Variants in HERC1 observed in about 807,000 individuals in gnomAD.
HERC1 encodes the protein HECT and RLD domain containing E3 ubiquitin protein ligase family member 1.
HERC1 carries 160 observed loss-of-function variants against 554.3 expected under a neutral mutation model. The observed-to-expected ratio is 0.29, with a 90% CI of 0.25 to 0.33. The LOEUF (loss-of-function observed/expected upper bound fraction) is 0.33, where lower values mean the gene tolerates loss of function less well. Among genes scored for constraint, HERC1 ranks in the 10% least tolerant of loss-of-function variants. The probability of loss-of-function intolerance (pLI) is 1.00; values close to 1 mark genes in which losing one functional copy is unlikely to be tolerated. For synonymous variants in HERC1, 2,175 were observed against 2,131.7 expected (o/e 1.02, Z -0.56); for missense variants, 4,919 against 5,918.5 (o/e 0.83, Z 5.54).
At chr15:63,665,305 G>A (rs1447287890) in intron 42 of HERC1, among the ~76,000 whole-genome samples, 1 of 152,192 alleles carries the variant, frequency 6.6e-6, no homozygotes, top group African/African-American at 2.4e-5. Context: ...AGACCAAGGT[G>A]GGTGGATCAC....
intron 1 of HERC1, among the ~76,000 whole-genome samples, chr15:63,827,863 G>A (rs187414271): frequency 6.6e-6 from 1 of 152,260 alleles, no homozygotes; most frequent in East Asian, 1.9e-4. Flanking sequence ...ACAAAATTAT[G>A]CTAAGTGAAA....
intron 18 of HERC1, 55 bp downstream of exon 18, chr15:63,725,237 T>C: frequency 6.8e-7 from 1 of 1,464,816 alleles, no homozygotes; most frequent in Non-Finnish European, 9.4e-7. Context: ...TAGAGAAATC[T>C]CCAACTGAGG....
chr15:63,776,704 A>G lies in HERC1; in HGVS notation c.-26-1055T>C, dbSNP rs564319098. ...TAGTGGGCTGGGCATGGTGGCTCACACCCATAATCCTAACATTCAGGGACG... is the reference window on the plus strand; with the variant it reads ...TAGTGGGCTGGGCATGGTGGCTCACGCCCATAATCCTAACATTCAGGGACG... On this transcript the variant is annotated intron_variant, in intron 1 of 77. Coordinates refer to ENST00000443617, the MANE Select transcript of HERC1 (RefSeq NM_003922.4). Among the ~76,000 whole-genome samples, 3 of 152,270 alleles carry G rather than the reference A, an allele frequency of 2.0e-5. No homozygotes were observed. The East Asian group carries it at 5.8e-4, about 29-fold the overall frequency.
chr15:63,672,756 G>A (rs941277426), intron 38 of HERC1, 62 bp from the exon 39 acceptor site: 18 of 1,146,564 alleles, frequency 1.6e-5, no homozygotes, highest in South Asian at 6.9e-5. Context: ...AATAACAGCG[G>A]GAATAAAAAA....
chr15:63,692,558 T>C lies in HERC1; in HGVS notation c.5683A>G (p.Arg1895Gly). ...TEKKDFRAAL[R>G]KQHAAELHLG... ...TGGAGTTCGGCTGCATGTTGTTTCC[T>C]AAGAGCAGCTACAGTGAAGAGACAA... is the stretch of plus-strand genomic sequence containing the variant. The change falls in exon 31 of 78, where the codon AGG becomes GGG. Residue 1895 changes from arginine (R) to glycine (G), a missense_variant. By Grantham distance (125) the Arg-to-Gly change is moderately radical. This residue lies in a region of HERC1 where 1,121 missense variants were observed against 1,244.0 expected (regional missense o/e 0.90). Transcript: ENST00000443617. This position sits in a 1 kb window ranked among gnomAD's most constrained non-coding sequence, Gnocchi z 4.7. 6.2e-7 allele frequency: 1 copy of C among 1,606,842 alleles called. No individual in the cohort carries two copies. The highest frequency in any genetic ancestry group is 8.5e-7 in the Non-Finnish European group (1 of 1,177,560).
In HERC1 at chr15:63,616,036, A is replaced by G; in HGVS notation, c.13942-116T>C. The G allele has an allele frequency of 3.4e-6, 3 of 882,800 alleles. No individual in the cohort carries two copies. In the South Asian group the frequency reaches 5.0e-5, roughly 15 times the overall value. 54.7% of individuals were successfully genotyped at this position (882,800 alleles called of 1,614,324 possible). ...CTCACAATTTTTAAGGATAAAAACAAGGAACACAAAACAGGTAGGACTGAT... is the reference window on the plus strand; with the variant it reads ...CTCACAATTTTTAAGGATAAAAACAGGGAACACAAAACAGGTAGGACTGAT... On this transcript the variant is annotated intron_variant, in intron 75 of 77. Coordinates refer to ENST00000443617, the MANE Select transcript of HERC1 (RefSeq NM_003922.4).
At chr15:63,637,146 T>A in intron 64 of HERC1, 1 of 459,810 alleles carries the variant, frequency 2.2e-6, no homozygotes, top group Non-Finnish European at 4.4e-6. Flanking sequence ...TTTAGCACAT[T>A]TGCAGATTTC....
chr15:63,703,411 T>A (rs966344525), intron 25 of HERC1, among the ~76,000 whole-genome samples: 1 of 152,206 alleles, frequency 6.6e-6, no homozygotes, highest in Non-Finnish European at 1.5e-5. Context: ...TATACACCCA[T>A]TGTCATTTAT....
chr15:63,637,227 A>C, intron 64 of HERC1: 1 of 514,006 alleles, frequency 1.9e-6, no homozygotes, highest in Non-Finnish European at 3.7e-6. Context: ...CTGCCTACTT[A>C]CACTTTTGCA....
rs542251660 is a variant in HERC1 at position 63,825,999 on chromosome 15, G to T, written c.-27+7828C>A. ...GCTGGTCTCAAACTCCTGACCTCAG[G>T]TGATCCACCCACCTCAGCCTCCCAA... On this transcript the variant is annotated intron_variant, in intron 1 of 77. Coordinates refer to ENST00000443617, the MANE Select transcript of HERC1 (RefSeq NM_003922.4). Among the ~76,000 whole-genome samples the T allele has an allele frequency of 2.6e-5, 4 of 152,134 alleles. No homozygotes were observed. In the East Asian group the frequency reaches 7.7e-4, roughly 29 times the overall value.
chr15:63,629,493 C>T (rs1278927492), intron 69 of HERC1, among the ~76,000 whole-genome samples: 1 of 152,118 alleles, frequency 6.6e-6, no homozygotes, highest in Non-Finnish European at 1.5e-5. Flanking sequence ...TAAACATATA[C>T]AAAAACATAT....
chr15:63,729,415 G>A (rs975690004), intron 15 of HERC1, 47 bp from the exon 16 acceptor site: 3 of 1,595,186 alleles, frequency 1.9e-6, no homozygotes, highest in Non-Finnish European at 2.6e-6. Flanking sequence ...AAGATTCAAG[G>A]TGTAAAAATA....
chr15:63,761,919 T>C (rs2075624222), intron 3 of HERC1, among the ~76,000 whole-genome samples: 1 of 152,206 alleles, frequency 6.6e-6, no homozygotes, highest in Non-Finnish European at 1.5e-5. Context: ...ATGAACTCAT[T>C]AGGTATCTTA....
chr15:63,706,579 A>G (rs1052238161), intron 25 of HERC1, among the ~76,000 whole-genome samples: 1 of 152,222 alleles, frequency 6.6e-6, no homozygotes, highest in Non-Finnish European at 1.5e-5. Flanking sequence ...TAAAGCGTAC[A>G]TATTTTAAAG....
At chr15:63,784,064 CAAAA>C (rs35436692) in intron 1 of HERC1, among the ~76,000 whole-genome samples, 62 of 126,152 alleles carry the variant, frequency 4.9e-4, no homozygotes, top group African/African-American at 1.7e-3. Context: ...GACTCTATCT[CAAAA>C]AAAAAAAAAA....
At chr15:63,662,642 G>A (rs1256797759) in intron 44 of HERC1, among the ~76,000 whole-genome samples, 2 of 152,166 alleles carry the variant, frequency 1.3e-5, no homozygotes, top group Non-Finnish European at 2.9e-5. Flanking sequence ...ATAGCAATGT[G>A]AGCACAGCAG....
chr15:63,810,803 A>C (rs2077281399), intron 1 of HERC1, among the ~76,000 whole-genome samples: 2 of 152,222 alleles, frequency 1.3e-5, no homozygotes, highest in Non-Finnish European at 2.9e-5. Context: ...GGTGATAGTC[A>C]CCACCTTAAG....
Position 63,680,284 on chromosome 15 carries a change from CAATT to C in HERC1, c.6466-128_6466-125del. 1 of 781,718 alleles carries C rather than the reference CAATT, an allele frequency of 1.3e-6. No homozygotes were observed. The highest frequency in any genetic ancestry group is 2.9e-4 in the Middle Eastern group (1 of 3,412). 48.4% of individuals were successfully genotyped at this position (781,718 alleles called of 1,614,324 possible). A position where few individuals can be genotyped will look rare whatever the true frequency, so the allele number is the denominator to read the frequency against. On this transcript the variant is annotated intron_variant, in intron 35 of 77. Transcript: ENST00000443617. This position sits in a 1 kb window ranked among gnomAD's most constrained non-coding sequence, Gnocchi z 5.8. ...AACAAAAGTTACTAGATCAAATTCTCAATTAACCTTGCTAACCGAGAAAATTCTA... is the reference window on the plus strand; with the variant it reads ...AACAAAAGTTACTAGATCAAATTCTCAACCTTGCTAACCGAGAAAATTCTA...
intron 1 of HERC1, among the ~76,000 whole-genome samples, chr15:63,816,956 T>G (rs2077512061): frequency 6.6e-6 from 1 of 151,828 alleles, no homozygotes; most frequent in Admixed American, 6.6e-5. Context: ...ATCACTCCTA[T>G]GAAGTACTCT....
Sources: allele counts gnomAD v4.1 joint callset (sites outside exome capture counted in the v4.1 genomes callset), GRCh38; gene constraint gnomAD v4.1.1; regional missense constraint gnomAD v4.1.1; non-coding constraint Gnocchi (gnomAD v3.1); transcripts MANE v1.5; gene names NCBI Gene and HGNC (gene_info 2026-07-23, HGNC 2026-07-21).